Variants in FBXO39 observed in about 807,000 individuals in gnomAD.
FBXO39 encodes the protein F-box protein 39, also known as F-box only protein 39.
A neutral mutation model predicts 36.6 loss-of-function variants in FBXO39; 22 were observed. That is an observed-to-expected ratio of 0.60 (90% CI 0.43 to 0.86). The LOEUF is 0.86. Ranked by LOEUF, FBXO39 falls within the 40% of genes least tolerant of loss-of-function variation. The pLI is 0.00. For synonymous variants in FBXO39, 206 were observed against 205.8 expected (o/e 1.00, Z -0.01); for missense variants, 536 against 543.9 (o/e 0.99, Z 0.14).
chr17:6,784,309 A>C (rs1052878888), intron 2 of FBXO39, among the ~76,000 whole-genome samples: 3 of 152,164 alleles, frequency 2.0e-5, no homozygotes, highest in African/African-American at 7.2e-5. Context: ...CTAGTATCAT[A>C]TTGAATGGAG....
In FBXO39 at chr17:6,787,336, G is replaced by A. The variant is rs767629010; in HGVS notation, c.1237G>A (p.Glu413Lys). The A allele has an allele frequency of 1.9e-6, 3 of 1,613,902 alleles. No homozygotes were observed. Among genetic ancestry groups the A allele is most frequent in the African/African-American group, 2.7e-5 (2 of 74,860 alleles). ...IYTNRYETNE[E>K]DKTLQEIYRK... ...TACAAACAGATATGAGACGAATGAA[G>A]AGGACAAGACCCTGCAGGAAATTTA... The change falls in exon 4 of 4, where the codon GAG becomes AAG. Residue 413 changes from glutamate to lysine, a missense_variant. Glu to Lys is a moderately conservative substitution (Grantham distance 56). Transcript: ENST00000321535.
intron 2 of FBXO39, among the ~76,000 whole-genome samples, chr17:6,786,455 A>T (rs763446216): frequency 5.3e-5 from 8 of 152,178 alleles, no homozygotes; most frequent in Non-Finnish European, 8.8e-5. Flanking sequence ...GGGTGTCTAT[A>T]GTCAATCATC....
intron 3 of FBXO39, 65 bp downstream of exon 3, chr17:6,787,021 C>G (rs1007021220): frequency 1.3e-6 from 2 of 1,535,114 alleles, no homozygotes; most frequent in East Asian, 2.3e-5. Flanking sequence ...TGCTTCTGCT[C>G]TGGAACGAAG....
Position 6,780,073 on chromosome 17 carries a change from A to G in FBXO39, c.205A>G (p.Arg69Gly). ...RTITFSGRPS[R>G]VHASEVESAV... ...CATCACCTTCAGCGGGAGACCTTCCAGGGTACATGCATCTGAAGTTGAGTC... is the reference window on the plus strand; with the variant it reads ...CATCACCTTCAGCGGGAGACCTTCCGGGGTACATGCATCTGAAGTTGAGTC... The change falls in exon 2 of 4, where the codon AGG (arginine) becomes GGG (glycine). Residue 69 changes from arginine (R) to glycine (G), a missense_variant. Physicochemically the swap from Arg to Gly is moderately radical, Grantham distance 125. Transcript: ENST00000321535. The G allele has an allele frequency of 6.2e-7, 1 of 1,614,224 alleles. No homozygotes were observed.
chr17:6,786,544 T>C (rs1471050601), intron 2 of FBXO39, among the ~76,000 whole-genome samples: 1 of 152,238 alleles, frequency 6.6e-6, no homozygotes, highest in Non-Finnish European at 1.5e-5. Flanking sequence ...CTTGAAGTCA[T>C]GGATACTCTA....
Position 6,780,393 on chromosome 17 carries a change from C to T in FBXO39, c.525C>T (p.Thr175=), listed in dbSNP as rs144271734. 6.2e-6 allele frequency: 10 copies of T among 1,613,998 alleles called. No individual in the cohort carries two copies. In the African/African-American group the frequency reaches 9.3e-5, roughly 15 times the overall value. Residue 175 remains threonine (T), a synonymous_variant, in exon 2 of 4, where the codon ACC becomes ACT. Transcript: ENST00000321535. ...TCAACCTAAAAGGGGCCAGGCTGAC[C>T]GTGGAGCAAGGCTGCCAAATTCTCG... The part of the protein sequence containing the change: ...DYLNLKGARL[T]VEQGCQILDS...
intron 2 of FBXO39, among the ~76,000 whole-genome samples, chr17:6,784,931 G>A (rs200895068): frequency 7.4e-4 from 42 of 57,034 alleles, no homozygotes; most frequent in African/African-American, 1.7e-3. Flanking sequence ...ATATATATAT[G>A]TGTGTGTGTG....
intron 2 of FBXO39, among the ~76,000 whole-genome samples, chr17:6,786,369 A>T (rs554920681): frequency 6.6e-6 from 1 of 152,314 alleles, no homozygotes; most frequent in East Asian, 1.9e-4. Context: ...GGGGGTGCAG[A>T]GGGAAGTGGG....
chr17:6,779,895 G>A lies in FBXO39; in HGVS notation c.27G>A (p.Gln9=). ...TGGACGAAGAAAGTGAACTGATCCA[G>A]CCCCAAGACCAGAGCTGCTGGGCCT... MDEESELI[Q]PQDQSCWAFL... The change falls in exon 2 of 4, where the codon CAG becomes CAA. Residue 9 remains glutamine, a synonymous_variant. Coordinates refer to ENST00000321535, the MANE Select transcript of FBXO39 (RefSeq NM_153230.3). 6.2e-7 allele frequency: 1 copy of A among 1,614,162 alleles called. No individual in the cohort carries two copies. The highest frequency in any genetic ancestry group is 8.5e-7 in the Non-Finnish European group (1 of 1,180,028).
At chr17:6,782,373 G>T (rs1310468210) in intron 2 of FBXO39, among the ~76,000 whole-genome samples, 2 of 152,036 alleles carry the variant, frequency 1.3e-5, no homozygotes, top group Admixed American at 1.3e-4. Context: ...AGGAAGAGAA[G>T]ACCGCAAAAA....
At chr17:6,784,105 CA>C (rs1199270614) in intron 2 of FBXO39, among the ~76,000 whole-genome samples, 6 of 152,012 alleles carry the variant, frequency 3.9e-5, no homozygotes, top group Admixed American at 6.6e-5. Flanking sequence ...AAGAATGGTT[CA>C]AAATATGCAA....
At chr17:6,784,137 A>G (rs913072911) in intron 2 of FBXO39, among the ~76,000 whole-genome samples, 3 of 152,188 alleles carry the variant, frequency 2.0e-5, no homozygotes, top group Non-Finnish European at 4.4e-5. Flanking sequence ...GTGACACCTC[A>G]TAACAACAGA....
rs772219882 is a variant in FBXO39, at chr17:6,786,822, G to T, written c.1066G>T (p.Glu356Ter). ...CAACAACAACCATGAGTCACTCGAC[G>T]AGGAGCTGCACCTCCTCATCATATC... ...EFNNNHESLD[E>*]ELHLLIISCR... Residue 356 changes from glutamate to a stop codon, truncating the protein, a stop_gained, in exon 3 of 4, where the codon GAG (glutamate) becomes TAG (stop). Coordinates refer to ENST00000321535, the MANE Select transcript of FBXO39 (RefSeq NM_153230.3). LOFTEE classifies it high-confidence loss of function. The T allele has an allele frequency of 6.2e-7, 1 of 1,612,490 alleles. No individual in the cohort carries two copies. Among genetic ancestry groups the T allele is most frequent in the Non-Finnish European group, 8.5e-7 (1 of 1,179,508 alleles).
chr17:6,787,249 TGTGTGC>T (rs751338289), intron 3 of FBXO39, 45 bp from the exon 4 acceptor site: 3 of 1,552,922 alleles, frequency 1.9e-6, no homozygotes, highest in Non-Finnish European at 2.6e-6. Flanking sequence ...TGTGTGTGTG[TGTGTGC>T]GTGTGTGCGT....
Position 6,780,560 on chromosome 17 carries a change from T to G in FBXO39, c.692T>G (p.Leu231Arg), listed in dbSNP as rs769558510. Reference protein sequence around the residue: ...STFHNLVSLNLNYNCISDELL... With the variant: ...STFHNLVSLNRNYNCISDELL... ...TTCCACAATCTTGTGTCCCTGAACC[T>G]CAACTACAACTGTATCTCCGACGAG... The change falls in exon 2 of 4, where the codon CTC (leucine) becomes CGC (arginine). Residue 231 changes from leucine to arginine, a missense_variant. By Grantham distance (102) the Leu-to-Arg change is moderately radical. Transcript: ENST00000321535. 4 of 1,614,020 alleles carry G rather than the reference T, an allele frequency of 2.5e-6. No individual in the cohort carries two copies. The highest frequency in any genetic ancestry group is 3.4e-6 in the Non-Finnish European group (4 of 1,180,014).
intron 1 of FBXO39, among the ~76,000 whole-genome samples, chr17:6,778,112 A>G (rs976519338): frequency 1.3e-5 from 2 of 152,216 alleles, no homozygotes; most frequent in Admixed American, 1.3e-4. Flanking sequence ...GACAGGCAGG[A>G]TACCTGCCAT....
rs755195237 is a variant in FBXO39, at chr17:6,780,238, A to G, written c.370A>G (p.Asn124Asp). The G allele has an allele frequency of 1.7e-5, 27 of 1,614,104 alleles. No individual in the cohort carries two copies. In the South Asian group the frequency reaches 2.5e-4, roughly 15 times the overall value. ...CCTGTCTTGTCTGAGTAAGAGCAAC[A>G]ACCGTCTGAAATCTCTTTCCATCCA... Reference protein sequence around the residue: ...GLLSCLSKSNNRLKSLSIQYL... With the variant: ...GLLSCLSKSNDRLKSLSIQYL... Residue 124 changes from asparagine (N) to aspartate (D), a missense_variant, in exon 2 of 4, where the codon AAC (asparagine) becomes GAC (aspartate). Physicochemically the swap from Asn to Asp is conservative, Grantham distance 23. Coordinates refer to ENST00000321535, the MANE Select transcript of FBXO39 (RefSeq NM_153230.3).
In FBXO39 at chr17:6,780,892, G is replaced by T; in HGVS notation, c.1023+1G>T. 1 of 1,608,056 alleles carries T rather than the reference G, an allele frequency of 6.2e-7. No homozygotes were observed. The highest frequency in any genetic ancestry group is 8.5e-7 in the Non-Finnish European group (1 of 1,178,940). On this transcript the variant is annotated splice_donor_variant, in intron 2 of 3. Transcript: ENST00000321535. LOFTEE classifies it high-confidence loss of function. ...GCCCACCTTCCGGCACACTCTGCAG[G>T]TAGGTAGGACTTGTGAGGAGTGACT... is the stretch of plus-strand genomic sequence containing the variant.
rs1386926679 is a variant in FBXO39 at position 6,780,542 on chromosome 17, A to G, written c.674A>G (p.Asn225Ser). 3.1e-6 allele frequency: 5 copies of G among 1,614,004 alleles called. No homozygotes were observed. The highest frequency in any genetic ancestry group is 2.5e-6 in the Non-Finnish European group (3 of 1,179,990). Residue 225 changes from asparagine to serine, a missense_variant, in exon 2 of 4, where the codon AAT becomes AGT. By Grantham distance (46) the Asn-to-Ser change is conservative. Coordinates refer to ENST00000321535, the MANE Select transcript of FBXO39 (RefSeq NM_153230.3). Reference protein sequence around the residue: ...QFKKTMSTFHNLVSLNLNYNC... With the variant: ...QFKKTMSTFHSLVSLNLNYNC... ...AAAAAGACCATGTCCACATTCCACA[A>G]TCTTGTGTCCCTGAACCTCAACTAC...
Sources: allele counts gnomAD v4.1 joint callset (sites outside exome capture counted in the v4.1 genomes callset), GRCh38; gene constraint gnomAD v4.1.1; transcripts MANE v1.5; gene names NCBI Gene and HGNC (gene_info 2026-07-23, HGNC 2026-07-21).